The following CAST variants were observed in gnomAD, a reference collection of about 807,000 sequenced individuals.
The protein encoded by CAST is calpastatin.
In CAST, 76 loss-of-function variants were observed where a neutral mutation model predicts 119.6. That is an observed-to-expected ratio of 0.64 (90% CI 0.53 to 0.77). The LOEUF is 0.77. Ranked by LOEUF, CAST falls within the 30% of genes least tolerant of loss-of-function variation. The pLI is 0.00. For synonymous variants in CAST, 319 were observed against 331.6 expected, an observed-to-expected ratio of 0.96 and a Z score of 0.41; for missense variants, 953 against 946.5, an observed-to-expected ratio of 1.01 and a Z score of -0.09.
chr5:96,041,647 A>G, the CAST span, among the ~76,000 whole-genome samples: 5 of 152,118 alleles, frequency 3.3e-5, no homozygotes, highest in Non-Finnish European at 7.3e-5. Context: ...GGAGAAATTG[A>G]GTGAAGGAAT....
At chr5:96,560,117 A>G (rs2150184368) in intron 1 of CAST, among the ~76,000 whole-genome samples, 1 of 152,280 alleles carries the variant, frequency 6.6e-6, no homozygotes, top group East Asian at 1.9e-4. Context: ...AGGATTCCCT[A>G]TTTAATAAAT....
Position 96,773,609 on chromosome 5 carries a change from ATAT to A in CAST, c.*994_*996del, listed in dbSNP as rs2150837819. ...TTCTGCTTTTAAAAAAATTATATAT[ATAT>A]ATTAAATTTGAAACCTGCATTTCTC... On this transcript the variant is annotated 3_prime_UTR_variant, in exon 32 of 32. Coordinates refer to ENST00000675179, the MANE Select transcript of CAST (RefSeq NM_001750.7). 1 of 152,056 alleles carries A rather than the reference ATAT, an allele frequency of 6.6e-6. No homozygotes were observed. Among genetic ancestry groups the A allele is most frequent in the African/African-American group, 2.4e-5 (1 of 41,538 alleles). The allele number at this position is 152,056 out of a possible 1,614,324, so 9.4% of individuals were successfully genotyped here. A position where few individuals can be genotyped will look rare whatever the true frequency, so the allele number is the denominator to read the frequency against.
the CAST span, chr5:96,213,935 A>G: frequency 6.6e-6 from 1 of 152,220 alleles, no homozygotes; most frequent in African/African-American, 2.4e-5. Context: ...ATGAAAACAT[A>G]TACAGGACTA....
chr5:96,765,652 T>C (rs1276672066), intron 26 of CAST, among the ~76,000 whole-genome samples: 1 of 152,154 alleles, frequency 6.6e-6, no homozygotes, highest in Non-Finnish European at 1.5e-5. Context: ...ATAGGCAAAG[T>C]TGTAAATGTG....
chr5:96,323,172 A>C, the CAST span, among the ~76,000 whole-genome samples: 1 of 152,190 alleles, frequency 6.6e-6, no homozygotes, highest in Non-Finnish European at 1.5e-5. Flanking sequence ...CTTTTGGAGA[A>C]GTGGGAGGTA....
rs113660429 is a variant in CAST at position 96,732,851 on chromosome 5, G to A, written c.630+1991G>A. ...ATAGAATTAGTAATCAGTTTGGAGA[G>A]CATGTAATCAATTTGAAGCCACAAG... On this transcript the variant is annotated intron_variant, in intron 9 of 31. Coordinates refer to ENST00000675179, the MANE Select transcript of CAST (RefSeq NM_001750.7). Among the ~76,000 whole-genome samples the A allele has an allele frequency of 7.5e-3, 1,139 of 152,286 alleles. 8 individuals carry two copies. The highest frequency in any genetic ancestry group is 0.014 in the Non-Finnish European group (938 of 68,020).
At chr5:96,386,330 G>C in the CAST span, among the ~76,000 whole-genome samples, 2 of 152,216 alleles carry the variant, frequency 1.3e-5, no homozygotes, top group Admixed American at 1.3e-4. Flanking sequence ...TTAGTCCTGG[G>C]GAACTGCCTT....
chr5:96,064,767 C>T, the CAST span, among the ~76,000 whole-genome samples: 1 of 152,120 alleles, frequency 6.6e-6, no homozygotes, highest in Non-Finnish European at 1.5e-5. Flanking sequence ...CCTGAAATAA[C>T]CTAGTCTTTC....
the CAST span, among the ~76,000 whole-genome samples, chr5:96,323,175 G>A: frequency 6.6e-6 from 1 of 152,156 alleles, no homozygotes; most frequent in Non-Finnish European, 1.5e-5. Flanking sequence ...TTGGAGAAGT[G>A]GGAGGTAAAT....
At chr5:96,665,699 C>T (rs563300247) in intron 1 of CAST, among the ~76,000 whole-genome samples, 1 of 152,104 alleles carries the variant, frequency 6.6e-6, no homozygotes, top group African/African-American at 2.4e-5. Context: ...CCATAAATCC[C>T]CCAAAGGTCC....
At chr5:96,396,749 A>T in the CAST span, among the ~76,000 whole-genome samples, 1 of 152,194 alleles carries the variant, frequency 6.6e-6, no homozygotes, top group Admixed American at 6.5e-5. Context: ...TTTGCTCTGT[A>T]CTTGCATTTT....
chr5:96,148,355 ACTGT>A, the CAST span, among the ~76,000 whole-genome samples: 2 of 152,196 alleles, frequency 1.3e-5, no homozygotes, highest in Admixed American at 6.5e-5. Flanking sequence ...ACACTAAAAT[ACTGT>A]CTGTCATGAT....
At chr5:96,559,505 C>G (rs1285037066) in intron 1 of CAST, among the ~76,000 whole-genome samples, 2 of 152,184 alleles carry the variant, frequency 1.3e-5, no homozygotes, top group Non-Finnish European at 2.9e-5. Flanking sequence ...GCAACTTCAG[C>G]AAAGTCTCAG....
chr5:96,454,799 C>T, the CAST span, among the ~76,000 whole-genome samples: 16 of 152,294 alleles, frequency 1.1e-4, 1 homozygote, highest in African/African-American at 3.9e-4. Context: ...GAGATGTATT[C>T]CCTTTTCTAC....
At chr5:96,623,748 C>G (rs1415265930) in intron 1 of CAST, among the ~76,000 whole-genome samples, 1 of 152,146 alleles carries the variant, frequency 6.6e-6, no homozygotes, top group African/African-American at 2.4e-5. Flanking sequence ...TGCTCTGTTT[C>G]CCAGTGGCAC....
the CAST span, among the ~76,000 whole-genome samples, chr5:96,514,348 T>G: frequency 6.6e-6 from 1 of 152,204 alleles, no homozygotes; most frequent in African/African-American, 2.4e-5. Flanking sequence ...CAAAAATGAA[T>G]GTAAGCTTGA....
chr5:96,396,107 G>A, the CAST span, among the ~76,000 whole-genome samples: 1 of 151,952 alleles, frequency 6.6e-6, no homozygotes, highest in South Asian at 2.1e-4. Context: ...TTCTTTTTTT[G>A]CTCTATGAGA....
chr5:96,561,528 A>T (rs1265755534), intron 1 of CAST, among the ~76,000 whole-genome samples: 1 of 151,646 alleles, frequency 6.6e-6, no homozygotes, highest in Non-Finnish European at 1.5e-5. Flanking sequence ...ACACATGGAC[A>T]AAGGAAGGGG....
intron 1 of CAST, among the ~76,000 whole-genome samples, chr5:96,665,552 A>G (rs1249362648): frequency 1.3e-5 from 2 of 152,168 alleles, no homozygotes; most frequent in Non-Finnish European, 2.9e-5. Flanking sequence ...CTTTGGTGAT[A>G]GGTGGGTGGT....
Sources: allele counts gnomAD v4.1 joint callset (sites outside exome capture counted in the v4.1 genomes callset), GRCh38; gene constraint gnomAD v4.1.1; transcripts MANE v1.5; gene names NCBI Gene and HGNC (gene_info 2026-07-23, HGNC 2026-07-21).